RPS17: variants seen among roughly 807,000 people sequenced by gnomAD.
RPS17 encodes the protein ribosomal protein S17, also known as small ribosomal subunit protein eS17.
For missense variants in RPS17, 68 were observed against 182.3 expected (o/e 0.37, Z 3.61); for synonymous variants, 75 against 65.6 (o/e 1.14, Z -0.70).
intron 2 of RPS17, chr15:82,539,417 G>C (rs1452570979): frequency 2.2e-6 from 1 of 460,822 alleles, no homozygotes; most frequent in African/African-American, 2.0e-5. Context: ...GCCGGGCGAG[G>C]TGGCTCACGC....
At chr15:82,540,358 G>A (rs1595980012) in intron 1 of RPS17, 68 bp downstream of exon 1, 1 of 1,584,612 alleles carries the variant, frequency 6.3e-7, no homozygotes, top group East Asian at 2.3e-5. Context: ...TCTGTGGGCT[G>A]AGGACCGCGG....
chr15:82,539,051 A>G (rs1466481796), intron 2 of RPS17, 66 bp from the exon 3 acceptor site: 6 of 1,476,522 alleles, frequency 4.1e-6, no homozygotes, highest in Non-Finnish European at 4.7e-6. Flanking sequence ...GGTACTGAGC[A>G]CATGTGCATA....
chr15:82,538,131 C>T, intron 4 of RPS17, 175 bp downstream of exon 4: 2 of 695,314 alleles, frequency 2.9e-6, no homozygotes, highest in Non-Finnish European at 5.3e-6. Flanking sequence ...GGCGAACTAA[C>T]TCAATGCACA....
rs2034276799 is a variant in RPS17, at chr15:82,538,369, G to C, written c.264C>G (p.Val88=). 4 of 1,612,168 alleles carry C rather than the reference G, an allele frequency of 2.5e-6. No homozygotes were observed. Among genetic ancestry groups the C allele is most frequent in the South Asian group, 1.1e-5 (1 of 90,984 alleles). The stretch of plus-strand genomic sequence containing the variant: ...CAATAATCTCCTGATCCAAGGCTGA[G>C]ACCTACAAGGAAACGAGGTAGGGTC... The part of the protein sequence containing the change: ...RERRDNYVPE[V]SALDQEIIEV... The change falls in exon 4 of 5, where the codon GTC becomes GTG. Residue 88 remains valine (V), a splice_region_variant and synonymous_variant. Transcript: ENST00000647841.
At chr15:82,540,205 GC>G (rs2034323342) in intron 1 of RPS17, 73 bp from the exon 2 acceptor site, 1 of 1,612,370 alleles carries the variant, frequency 6.2e-7, no homozygotes. Flanking sequence ...CCGAGCCCCG[GC>G]CGGTGTGGTT....
chr15:82,538,725 T>C, intron 3 of RPS17, 155 bp downstream of exon 3: 1 of 798,336 alleles, frequency 1.3e-6, no homozygotes, highest in Non-Finnish European at 2.2e-6. Flanking sequence ...GAATGGAGGC[T>C]AAGAAACTGG....
chr15:82,538,445 G>C (rs1251128033), intron 3 of RPS17, 74 bp from the exon 4 acceptor site: 22 of 1,525,196 alleles, frequency 1.4e-5, no homozygotes, highest in Non-Finnish European at 2.0e-5. Flanking sequence ...CCTCTCCCCA[G>C]GTTCTTAAAT....
chr15:82,539,244 G>A (rs2034297603), intron 2 of RPS17: 1 of 549,152 alleles, frequency 1.8e-6, no homozygotes, highest in Non-Finnish European at 3.3e-6. Context: ...GCCCCGCCCC[G>A]CAGTTTCACG....
intron 2 of RPS17, 193 bp from the exon 3 acceptor site, chr15:82,539,178 C>T (rs1035679061): frequency 1.4e-6 from 1 of 705,378 alleles, no homozygotes; most frequent in African/African-American, 1.7e-5. Flanking sequence ...TGGTTTCTCA[C>T]TCTCTATTCA....
At position 82,539,160 on chromosome 15, in the gene RPS17, C is replaced by CT. The variant is rs1341449585; in HGVS notation, c.156-176dup. 2,608 of 731,990 alleles carry CT rather than the reference C, an allele frequency of 3.6e-3. 8 individuals carry two copies. Among genetic ancestry groups the CT allele is most frequent in the Non-Finnish European group, 4.7e-3 (1,876 of 400,584 alleles). The allele number at this position is 731,990 out of a possible 1,614,324, so 45.3% of individuals were successfully genotyped here. A position where few individuals can be genotyped will look rare whatever the true frequency, so the allele number is the denominator to read the frequency against. ...AGAACCTCCACTGGCCTGAGCATTC[C>CT]TTCCCCTTGGTTTCTCACTCTCTAT... On this transcript the variant is annotated intron_variant, in intron 2 of 4. Transcript: ENST00000647841.
At chr15:82,539,339 G>T in intron 2 of RPS17, 1 of 483,538 alleles carries the variant, frequency 2.1e-6, no homozygotes, top group Non-Finnish European at 4.1e-6. Context: ...ATTCTTCCAG[G>T]CCATATGCCT....
intron 2 of RPS17, chr15:82,539,218 A>AC (rs1200362977): frequency 3.8e-5 from 24 of 631,164 alleles, no homozygotes; most frequent in South Asian, 4.6e-5. Context: ...CAAGCGCCCC[A>AC]CCCCCAACTC....
intron 3 of RPS17, 130 bp downstream of exon 3, chr15:82,538,750 G>A (rs1293865667): frequency 2.0e-6 from 2 of 977,214 alleles, no homozygotes; most frequent in African/African-American, 3.2e-5. Flanking sequence ...GGGCCTATGG[G>A]CACCCACAGC....
At chr15:82,539,396 G>A (rs1217459143) in intron 2 of RPS17, 2 of 463,008 alleles carry the variant, frequency 4.3e-6, no homozygotes, top group African/African-American at 2.0e-5. Context: ...AGCATTAGAA[G>A]TTGACATCCA....
intron 4 of RPS17, 165 bp from the exon 5 acceptor site, chr15:82,537,046 C>T (rs1198268202): frequency 1.4e-6 from 1 of 734,480 alleles, no homozygotes; most frequent in Non-Finnish European, 2.5e-6. Context: ...CCCACTTTTC[C>T]AGAGTGATCT....
At chr15:82,540,323 C>T (rs2034327774) in intron 1 of RPS17, 103 bp downstream of exon 1, 1 of 1,580,914 alleles carries the variant, frequency 6.3e-7, no homozygotes, top group South Asian at 1.1e-5. Flanking sequence ...TGACAGGGCT[C>T]TGCGCCTTCC....
At position 82,538,670 on chromosome 15, in the gene RPS17, G is replaced by GCT. The variant is rs1459621806; in HGVS notation, c.261+208_261+209dup. The GCT allele has an allele frequency of 9.7e-5, 65 of 667,012 alleles. 1 individual carries two copies. The African/African-American group carries it at 1.1e-3, about 11-fold the overall frequency. 41.3% of individuals were successfully genotyped at this position (667,012 alleles called of 1,614,324 possible). On this transcript the variant is annotated intron_variant, in intron 3 of 4. Coordinates refer to ENST00000647841, the MANE Select transcript of RPS17 (RefSeq NM_001021.6). The stretch of plus-strand genomic sequence containing the variant: ...AGCAGTCATCAAATCAACATTAAGG[G>GCT]CTCTCATGAAATATGGAATAGACTT...
intron 4 of RPS17, chr15:82,537,104 T>A (rs1402586270): frequency 3.1e-6 from 2 of 636,156 alleles, no homozygotes; most frequent in East Asian, 2.8e-5. Context: ...TACAACTCTA[T>A]GACTTTTACC....
chr15:82,539,956 G>A (rs1431636339), intron 2 of RPS17, 25 bp downstream of exon 2: 1 of 1,611,946 alleles, frequency 6.2e-7, no homozygotes, highest in Non-Finnish European at 8.5e-7. Context: ...GCGGAGCCCC[G>A]GAGGCCGAGG....
Sources: allele counts gnomAD v4.1 joint callset, GRCh38; gene constraint gnomAD v4.1.1; transcripts MANE v1.5; gene names NCBI Gene and HGNC (gene_info 2026-07-23, HGNC 2026-07-21).